Variants in PGPEP1 observed in about 807,000 individuals in gnomAD.
PGPEP1 encodes pyroglutamyl-peptidase I, also known as pyroglutamyl-peptidase 1.
A neutral mutation model predicts 24.1 loss-of-function variants in PGPEP1; 15 were observed. That is an observed-to-expected ratio of 0.62 (90% CI 0.42 to 0.96). PGPEP1 has a LOEUF of 0.96. Ranked by LOEUF, PGPEP1 falls within the 40% of genes least tolerant of loss-of-function variation. The probability of loss-of-function intolerance (pLI) is 0.00; values close to 1 mark genes in which losing one functional copy is unlikely to be tolerated. For missense variants in PGPEP1, 242 were observed against 273.4 expected (o/e 0.89, Z 0.81); for synonymous variants, 122 against 116.4 (o/e 1.05, Z -0.31).
At chr19:18,351,100 C>T (rs1227607959) in intron 2 of PGPEP1, among the ~76,000 whole-genome samples, 1 of 151,866 alleles carries the variant, frequency 6.6e-6, no homozygotes, top group African/African-American at 2.4e-5. Context: ...GGTGAAACCC[C>T]GTCTCTACTA....
rs1971450823 is a variant in PGPEP1 at position 18,364,115 on chromosome 19, G to GCTTTCTTTCTTGCTTTCTTTCTTT, written c.*543_*544insGCTTTCTTTCTTTCTTTCTTTCTT. The GCTTTCTTTCTTGCTTTCTTTCTTT allele has an allele frequency of 2.9e-5, 2 of 69,750 alleles. No homozygotes were observed. The highest frequency in any genetic ancestry group is 1.8e-4 in the African/African-American group (2 of 11,342). The allele number at this position is 69,750 out of a possible 1,614,324, so 4.3% of individuals were successfully genotyped here. On this transcript the variant is annotated 3_prime_UTR_variant, in exon 5 of 5. Transcript: ENST00000269919. ...TTCTTTCTTTCTTTCTTTCTTTCTT[G>GCTTTCTTTCTTGCTTTCTTTCTTT]CTTTCTTTCTTTCTTGCTTTCTTTC...
intron 2 of PGPEP1, among the ~76,000 whole-genome samples, chr19:18,350,111 C>T (rs2144546371): frequency 6.6e-6 from 1 of 152,260 alleles, no homozygotes; most frequent in East Asian, 1.9e-4. Context: ...ACCTCCACCT[C>T]CCAAGTTCAA....
intron 4 of PGPEP1, 179 bp downstream of exon 4, chr19:18,357,794 T>C (rs1388619110): frequency 5.0e-6 from 3 of 602,746 alleles, no homozygotes; most frequent in Non-Finnish European, 9.0e-6. Flanking sequence ...CTGGGACTCA[T>C]GGATCTGCCC....
intron 1 of PGPEP1, 151 bp downstream of exon 1, chr19:18,340,866 T>G: frequency 1.8e-6 from 1 of 558,482 alleles, no homozygotes; most frequent in South Asian, 4.3e-5. Context: ...AGCCCAGGCT[T>G]CCTGGAAAGT....
At position 18,340,637 on chromosome 19, in the gene PGPEP1, G is replaced by T. The variant is rs1012172366; in HGVS notation, c.-45G>T. On this transcript the variant is annotated 5_prime_UTR_variant, in exon 1 of 5. Transcript: ENST00000269919. Reference sequence around the variant, plus strand: ...AGGCTGCAGCGGCAGCAGCTGTCGCGCCAGTCGCAACAGAAGCAGGTCCGA... The same window carrying T: ...AGGCTGCAGCGGCAGCAGCTGTCGCTCCAGTCGCAACAGAAGCAGGTCCGA... The T allele has an allele frequency of 1.3e-6, 2 of 1,507,244 alleles. No individual in the cohort carries two copies. The highest frequency in any genetic ancestry group is 2.1e-5 in the Admixed American group (1 of 46,568). 93.4% of individuals were successfully genotyped at this position (1,507,244 alleles called of 1,614,324 possible).
intron 3 of PGPEP1, 56 bp from the exon 4 acceptor site, chr19:18,357,327 A>G: frequency 2.2e-6 from 3 of 1,353,700 alleles, no homozygotes; most frequent in Non-Finnish European, 3.1e-6. Flanking sequence ...CCTCAGGGGG[A>G]CCCCTCTGAG....
At chr19:18,362,619 T>G (rs1445765967) in intron 4 of PGPEP1, among the ~76,000 whole-genome samples, 1 of 150,624 alleles carries the variant, frequency 6.6e-6, no homozygotes, top group Non-Finnish European at 1.5e-5. Flanking sequence ...TCCCAGCTAC[T>G]CGGGAGGCTG....
At chr19:18,341,347 G>A (rs1402105362) in intron 1 of PGPEP1, among the ~76,000 whole-genome samples, 1 of 152,086 alleles carries the variant, frequency 6.6e-6, no homozygotes, top group Non-Finnish European at 1.5e-5. Flanking sequence ...GGCCCCTGCT[G>A]TCACCGACTC....
intron 1 of PGPEP1, among the ~76,000 whole-genome samples, chr19:18,341,642 TC>T (rs1970673898): frequency 6.6e-6 from 1 of 152,188 alleles, no homozygotes. Context: ...CCCCATCCCT[TC>T]CAGCCTTCCT....
chr19:18,366,122 C>T lies in PGPEP1; in HGVS notation c.*2539C>T, dbSNP rs1000532955. ...GGTGGAAAGCAACTTCAGGTTTCAT[C>T]TTGCTCTATTCCTCAAAGGTCTGGT... On this transcript the variant is annotated 3_prime_UTR_variant, in exon 5 of 5. Transcript: ENST00000269919. 5 of 152,176 alleles carry T rather than the reference C, an allele frequency of 3.3e-5. No homozygotes were observed. The highest frequency in any genetic ancestry group is 7.3e-5 in the Non-Finnish European group (5 of 68,062). The allele number at this position is 152,176 out of a possible 1,614,324, so 9.4% of individuals were successfully genotyped here.
At chr19:18,357,765 G>A (rs1971230686) in intron 4 of PGPEP1, 150 bp downstream of exon 4, 1 of 634,506 alleles carries the variant, frequency 1.6e-6, no homozygotes, top group East Asian at 2.8e-5. Context: ...GTACGTAGCA[G>A]GTGCCGTTGG....
intron 2 of PGPEP1, among the ~76,000 whole-genome samples, chr19:18,350,303 G>A (rs1274130946): frequency 6.6e-6 from 1 of 152,170 alleles, no homozygotes; most frequent in African/African-American, 2.4e-5. Context: ...GGGATTACAG[G>A]CATGAGCCAC....
chr19:18,365,695 C>T lies in PGPEP1; in HGVS notation c.*2112C>T, dbSNP rs1480133851. The stretch of plus-strand genomic sequence containing the variant: ...TTTTGTTTTCTTCAGCGTTCACCTT[C>T]CTTGTCTCCAGTTCCGATGCTGGCA... On this transcript the variant is annotated 3_prime_UTR_variant, in exon 5 of 5. Transcript: ENST00000269919. The T allele has an allele frequency of 6.6e-6, 1 of 152,232 alleles. No homozygotes were observed. The highest frequency in any genetic ancestry group is 1.5e-5 in the Non-Finnish European group (1 of 68,084). The allele number at this position is 152,232 out of a possible 1,614,324, so 9.4% of individuals were successfully genotyped here.
chr19:18,343,151 C>A (rs1263687341), intron 2 of PGPEP1, among the ~76,000 whole-genome samples: 1 of 152,042 alleles, frequency 6.6e-6, no homozygotes, highest in Non-Finnish European at 1.5e-5. Flanking sequence ...AGGTGGCTGC[C>A]ACCACGCCCG....
At chr19:18,348,054 C>CA (rs1970907538) in intron 2 of PGPEP1, among the ~76,000 whole-genome samples, 1 of 92,530 alleles carries the variant, frequency 1.1e-5, no homozygotes, top group Non-Finnish European at 2.8e-5. Context: ...ACAGAGGGGA[C>CA]CCCCCCTTGT....
At chr19:18,350,787 C>T (rs570736042) in intron 2 of PGPEP1, among the ~76,000 whole-genome samples, 1 of 152,322 alleles carries the variant, frequency 6.6e-6, no homozygotes, top group South Asian at 2.1e-4. Context: ...TGGCTGGGCA[C>T]AGTGGCTCAT....
chr19:18,360,036 G>A (rs35648412), intron 4 of PGPEP1, among the ~76,000 whole-genome samples: 33,735 of 152,070 alleles, frequency 0.22, 4,439 homozygotes, highest in East Asian at 0.41. Flanking sequence ...ACAGGATCTC[G>A]CTCTGTTGCA....
At chr19:18,351,282 CTTTACT>C (rs963352154) in intron 2 of PGPEP1, among the ~76,000 whole-genome samples, 3 of 151,000 alleles carry the variant, frequency 2.0e-5, no homozygotes, top group Non-Finnish European at 3.0e-5. Flanking sequence ...CCAAACAAAA[CTTTACT>C]TTTAAGTGCT....
chr19:18,356,765 A>G (rs995364185), intron 3 of PGPEP1, among the ~76,000 whole-genome samples: 1 of 148,282 alleles, frequency 6.7e-6, no homozygotes, highest in African/African-American at 2.5e-5. Context: ...AAGACCAGGC[A>G]TGGTGGCTCA....
Sources: gnomAD v4.1 joint callset for allele counts (sites outside exome capture counted in the v4.1 genomes callset) on GRCh38, gnomAD v4.1.1 for gene constraint, MANE v1.5 for transcripts, NCBI Gene and HGNC (gene_info 2026-07-23, HGNC 2026-07-21) for gene names.